The following SLC4A5 variants were observed in gnomAD, a reference collection of about 807,000 sequenced individuals.
SLC4A5 encodes electrogenic sodium bicarbonate cotransporter 4.
Under a neutral mutation model 120.4 loss-of-function variants are expected in SLC4A5, and 96 were observed. The ratio of observed to expected loss-of-function variants is 0.80; its 90% CI spans 0.68 to 0.94. The LOEUF (loss-of-function observed/expected upper bound fraction) is 0.94. Among genes scored for constraint, SLC4A5 ranks in the 40% least tolerant of loss-of-function variants. The probability of loss-of-function intolerance (pLI) is 0.00; values close to 1 mark genes in which losing one functional copy is unlikely to be tolerated. For synonymous variants in SLC4A5, 550 were observed against 571.1 expected, an observed-to-expected ratio of 0.96 and a Z score of 0.53; for missense variants, 1,259 against 1,459.5, an observed-to-expected ratio of 0.86 and a Z score of 2.24.
At chr2:74,270,411 T>C (rs968732047) in intron 8 of SLC4A5, among the ~76,000 whole-genome samples, 3 of 152,158 alleles carry the variant, frequency 2.0e-5, no homozygotes, top group Non-Finnish European at 4.4e-5. Flanking sequence ...CGGTGGCTCA[T>C]GCCTGTAATC....
chr2:74,330,888 TGTG>T (rs1558917666), intron 4 of SLC4A5, among the ~76,000 whole-genome samples: 1 of 12,712 alleles, frequency 7.9e-5, no homozygotes. Context: ...GAGGTCTAGA[TGTG>T]GGTGGTGAGG....
chr2:74,278,908 C>T (rs1243107695), intron 8 of SLC4A5, among the ~76,000 whole-genome samples: 1 of 152,230 alleles, frequency 6.6e-6, no homozygotes. Context: ...CTCATGTATA[C>T]CAGCCATCTG....
intron 7 of SLC4A5, chr2:74,290,694 C>G (rs1672138569): frequency 1.0e-6 from 1 of 983,658 alleles, no homozygotes. Flanking sequence ...AGAGAGAAAT[C>G]TCAGGTGCAC....
At chr2:74,224,886 T>C (rs747438592) in exon 28 of SLC4A5, 3 of 1,614,120 alleles carry the variant, frequency 1.9e-6, no homozygotes. Context: ...CTTCCTCTTC[T>C]TGTCTGTCTC....
chr2:74,226,895 G>T (rs1694858273), intron 27 of SLC4A5, 62 bp downstream of exon 27: 1 of 1,558,982 alleles, frequency 6.4e-7, no homozygotes, highest in African/African-American at 1.4e-5. Context: ...AGGTTGCGCT[G>T]CACCTCTGGG....
At chr2:74,302,691 T>A (rs1672509764) in intron 7 of SLC4A5, among the ~76,000 whole-genome samples, 1 of 152,240 alleles carries the variant, frequency 6.6e-6, no homozygotes, top group African/African-American at 2.4e-5. Context: ...TCCACTTAAC[T>A]GAACAAGACA....
In SLC4A5 at chr2:74,255,573, G is replaced by A. The variant is rs1180241948; in HGVS notation, c.1025+202C>T. 6.6e-6 allele frequency among the ~76,000 whole-genome samples: 1 copy of A among 152,192 alleles called. No individual in the cohort carries two copies. Among genetic ancestry groups the A allele is most frequent in the Non-Finnish European group, 1.5e-5 (1 of 68,030 alleles). On this transcript the variant is annotated intron_variant, in intron 13 of 30. Coordinates refer to ENST00000394019, the Ensembl canonical transcript of SLC4A5. This position sits in a 1 kb window ranked among gnomAD's most constrained non-coding sequence, Gnocchi z 4.0. Reference sequence around the variant, plus strand: ...ATCCCAAAGTGCTGGGATTACAGGCGTGAGCCACCGCACCTGGCCTCTTTT... The same window carrying A: ...ATCCCAAAGTGCTGGGATTACAGGCATGAGCCACCGCACCTGGCCTCTTTT...
At chr2:74,235,801 G>T (rs1670249706) in intron 21 of SLC4A5, among the ~76,000 whole-genome samples, 1 of 151,958 alleles carries the variant, frequency 6.6e-6, no homozygotes. Flanking sequence ...GAACCTGGAG[G>T]CCCTTCCTAG....
At chr2:74,292,296 G>T (rs1672198578) in intron 7 of SLC4A5, among the ~76,000 whole-genome samples, 1 of 152,006 alleles carries the variant, frequency 6.6e-6, no homozygotes, top group Non-Finnish European at 1.5e-5. Flanking sequence ...ACATTCCAAG[G>T]GCCCAATCCT....
rs1055293141 is a variant in SLC4A5, at chr2:74,255,080, C to G, written c.1026-374G>C. 6.6e-6 allele frequency among the ~76,000 whole-genome samples: 1 copy of G among 152,046 alleles called. No individual in the cohort carries two copies. Among genetic ancestry groups the G allele is most frequent in the Admixed American group, 6.5e-5 (1 of 15,282 alleles). On this transcript the variant is annotated intron_variant, in intron 13 of 30. Coordinates refer to ENST00000394019, the Ensembl canonical transcript of SLC4A5. The surrounding 1 kb of genome is among the most constrained non-coding windows in gnomAD (Gnocchi z 4.0). ...GAGCAATTCACCCGCCTTGGCCTCC[C>G]AGAGTGCTGGGATTAGAGGAATGAG...
At chr2:74,216,506 A>G (rs1694449557) in exon 31 of SLC4A5, 1 of 152,216 alleles carries the variant, frequency 6.6e-6, no homozygotes. Flanking sequence ...AATTTGGACA[A>G]AGTTCTATTC....
At chr2:74,333,703 CTGTT>C (rs1221879181) in intron 4 of SLC4A5, among the ~76,000 whole-genome samples, 8 of 152,140 alleles carry the variant, frequency 5.3e-5, no homozygotes, top group Non-Finnish European at 7.4e-5. Context: ...TGAGGGATGA[CTGTT>C]TGACCTCTGT....
chr2:74,295,223 T>G (rs1672291925), intron 7 of SLC4A5, among the ~76,000 whole-genome samples: 1 of 147,200 alleles, frequency 6.8e-6, no homozygotes, highest in African/African-American at 2.5e-5. Flanking sequence ...TGATGGGGGG[T>G]GGGAGTTGCC....
intron 7 of SLC4A5, among the ~76,000 whole-genome samples, chr2:74,291,235 C>T (rs888622646): frequency 2.4e-4 from 36 of 152,258 alleles, no homozygotes; most frequent in African/African-American, 8.4e-4. Context: ...AAGCTCGTCA[C>T]TTCAGAGTGT....
chr2:74,280,083 A>C (rs1421446226), intron 8 of SLC4A5, among the ~76,000 whole-genome samples: 1 of 152,124 alleles, frequency 6.6e-6, no homozygotes, highest in African/African-American at 2.4e-5. Context: ...TGAAGCTCTC[A>C]GCACCAAGTT....
chr2:74,280,653 T>C (rs1671783303), intron 8 of SLC4A5, among the ~76,000 whole-genome samples: 1 of 150,862 alleles, frequency 6.6e-6, no homozygotes, highest in Non-Finnish European at 1.5e-5. Flanking sequence ...CATACTAAGA[T>C]GGGAAATGAT....
At chr2:74,291,742 T>A (rs1247123431) in intron 7 of SLC4A5, among the ~76,000 whole-genome samples, 1 of 152,202 alleles carries the variant, frequency 6.6e-6, no homozygotes, top group Non-Finnish European at 1.5e-5. Context: ...AGTGTTGGGA[T>A]TACAGGTGTG....
intron 7 of SLC4A5, among the ~76,000 whole-genome samples, chr2:74,299,226 A>C (rs1405734414): frequency 6.6e-6 from 1 of 152,096 alleles, no homozygotes; most frequent in Non-Finnish European, 1.5e-5. Flanking sequence ...TGGTGCATGC[A>C]TGTAATCCCA....
intron 5 of SLC4A5, among the ~76,000 whole-genome samples, chr2:74,316,641 C>T (rs1195739800): frequency 1.3e-5 from 2 of 152,330 alleles, no homozygotes; most frequent in Middle Eastern, 3.4e-3. Context: ...TACACGCCTA[C>T]ACTTGAAGAA....
Sources: allele counts gnomAD v4.1 joint callset (sites outside exome capture counted in the v4.1 genomes callset), GRCh38; gene constraint gnomAD v4.1.1; non-coding constraint Gnocchi (gnomAD v3.1); transcripts MANE v1.5; gene names NCBI Gene and HGNC (gene_info 2026-07-23, HGNC 2026-07-21).